The following MED13 variants were observed in gnomAD, a reference collection of about 807,000 sequenced individuals.
MED13 encodes the protein mediator complex subunit 13.
In MED13, 23 loss-of-function variants were observed where a neutral mutation model predicts 225.2. The observed-to-expected ratio is 0.10, with a 90% CI of 0.07 to 0.14. MED13 has a LOEUF of 0.14. Ranked by LOEUF, MED13 falls within the 10% of genes least tolerant of loss-of-function variation. The pLI is 1.00. For synonymous variants in MED13, 942 were observed against 889.2 expected, an observed-to-expected ratio of 1.06 and a Z score of -1.06; for missense variants, 2,197 against 2,594.5, an observed-to-expected ratio of 0.85 and a Z score of 3.33.
rs189446849 is a variant in MED13, at chr17:62,041,658, C to T, written c.471-6050G>A. Among the ~76,000 whole-genome samples the T allele has an allele frequency of 2.5e-4, 38 of 152,200 alleles. 1 individual carries two copies. The highest frequency in any genetic ancestry group is 1.9e-3 in the Admixed American group (29 of 15,280). ...GTGGCATGATCAGAATTCACTGCAG[C>T]TTCCACCTCCTGAGCTCAAGCGATT... is the stretch of plus-strand genomic sequence containing the variant. On this transcript the variant is annotated intron_variant, in intron 3 of 29. Coordinates refer to ENST00000397786, the MANE Select transcript of MED13 (RefSeq NM_005121.3).
At chr17:61,953,411 A>G (rs1202165925) in intron 26 of MED13, among the ~76,000 whole-genome samples, 2 of 152,164 alleles carry the variant, frequency 1.3e-5, no homozygotes, top group Non-Finnish European at 2.9e-5. Flanking sequence ...GGATCTTGAG[A>G]TGGGGAGATT....
At chr17:62,006,283 A>AGGG in intron 9 of MED13, 1 of 109,112 alleles carries the variant, frequency 9.2e-6, no homozygotes, top group African/African-American at 3.3e-5. Flanking sequence ...AAAAAAAAAA[A>AGGG]AGGGGGGGGG....
intron 12 of MED13, among the ~76,000 whole-genome samples, chr17:61,985,315 T>C (rs2080238309): frequency 6.6e-6 from 1 of 152,114 alleles, no homozygotes; most frequent in Non-Finnish European, 1.5e-5. Context: ...AGGAAAAAGT[T>C]CCTCCAAAGA....
chr17:61,983,823 G>A (rs2080225541), intron 15 of MED13, among the ~76,000 whole-genome samples: 1 of 150,944 alleles, frequency 6.6e-6, no homozygotes, highest in African/African-American at 2.4e-5. Flanking sequence ...CTGACTCCCA[G>A]GTTCAAGCCA....
Position 61,961,607 on chromosome 17 carries a change from G to C in MED13, c.5237C>G (p.Thr1746Ser), listed in dbSNP as rs2080001182. 6.2e-7 allele frequency: 1 copy of C among 1,612,512 alleles called. No individual in the cohort carries two copies. The highest frequency in any genetic ancestry group is 1.7e-5 in the Admixed American group (1 of 59,880). The change falls in exon 22 of 30, where the codon ACT (threonine) becomes AGT (serine). Residue 1746 changes from threonine to serine, a missense_variant. Transcript: ENST00000397786. The stretch of plus-strand genomic sequence containing the variant: ...ACTTACATCAGGACTTCTAAGGGCA[G>C]TTTCCATGGCTAAACCTGGACCAAA... Reference protein sequence around the residue: ...TGFGPGLAMETALRSPDRPEC... With the variant: ...TGFGPGLAMESALRSPDRPEC...
chr17:61,963,202 C>CAAAAAAAAAAAAAAAAAA (rs11290002), intron 20 of MED13, among the ~76,000 whole-genome samples: 14 of 55,794 alleles, frequency 2.5e-4, no homozygotes, highest in African/African-American at 3.6e-4. Context: ...TTAAATTTAC[C>CAAAAAAAAAAAAAAAAAA]AAAAAAAAAA....
At chr17:62,053,773 AAC>A (rs756784324) in intron 2 of MED13, among the ~76,000 whole-genome samples, 1 of 152,346 alleles carries the variant, frequency 6.6e-6, no homozygotes, top group East Asian at 1.9e-4. Flanking sequence ...CCCACAGAAA[AAC>A]AGACACAATA....
Position 62,010,894 on chromosome 17 carries a change from A to G in MED13, c.1623T>C (p.Cys541=). 6.2e-7 allele frequency: 1 copy of G among 1,614,142 alleles called. No individual in the cohort carries two copies. Among genetic ancestry groups the G allele is most frequent in the Non-Finnish European group, 8.5e-7 (1 of 1,179,990 alleles). Residue 541 remains cysteine, a synonymous_variant, in exon 9 of 30, where the codon TGT becomes TGC. Coordinates refer to ENST00000397786, the MANE Select transcript of MED13 (RefSeq NM_005121.3). The part of the protein sequence containing the change: ...PQPPPLSPHP[C]DVVDEGVTKT... The stretch of plus-strand genomic sequence containing the variant: ...TAGTCACTCCTTCATCAACCACATC[A>G]CAAGGGTGAGGACTAAGTGGGGGTG...
At chr17:62,020,978 C>G (rs1567983468) in intron 8 of MED13, among the ~76,000 whole-genome samples, 2 of 150,348 alleles carry the variant, frequency 1.3e-5, no homozygotes, top group Non-Finnish European at 3.0e-5. Flanking sequence ...GGACACAGCA[C>G]ATGTTTCAGA....
intron 23 of MED13, among the ~76,000 whole-genome samples, chr17:61,957,515 A>T (rs940722861): frequency 6.6e-6 from 1 of 151,642 alleles, no homozygotes; most frequent in Non-Finnish European, 1.5e-5. Context: ...ACACCCGGCT[A>T]ATTTTTGTAT....
intron 12 of MED13, among the ~76,000 whole-genome samples, chr17:61,986,781 T>A (rs896510058): frequency 6.6e-6 from 1 of 151,950 alleles, no homozygotes; most frequent in African/African-American, 2.4e-5. Flanking sequence ...CCCCCAAATG[T>A]AAAAACAAAA....
chr17:62,010,849 C>T lies in MED13; in HGVS notation c.1668G>A (p.Gln556=). The change falls in exon 9 of 30, where the codon CAG becomes CAA. Residue 556 remains glutamine, a synonymous_variant. Transcript: ENST00000397786. ...EGVTKTPSTP[Q]SQHFYQMPTP... ...TTGGCATTTGATAAAAATGTTGACT[C>T]TGAGGAGTTGAAGGTGTTTTAGTCA... 2 of 1,614,232 alleles carry T rather than the reference C, an allele frequency of 1.2e-6. No homozygotes were observed. The highest frequency in any genetic ancestry group is 1.7e-6 in the Non-Finnish European group (2 of 1,180,050).
At chr17:61,960,757 T>C (rs1433003411) in intron 23 of MED13, 110 bp downstream of exon 23, 2 of 708,422 alleles carry the variant, frequency 2.8e-6, no homozygotes, top group East Asian at 2.9e-5. Flanking sequence ...CAACCCCACA[T>C]CTTAATATTT....
chr17:61,953,922 G>A (rs1567938942), intron 26 of MED13, among the ~76,000 whole-genome samples: 1 of 152,140 alleles, frequency 6.6e-6, no homozygotes, highest in African/African-American at 2.4e-5. Flanking sequence ...CTATATACTG[G>A]TTTTTCCTTT....
intron 23 of MED13, among the ~76,000 whole-genome samples, chr17:61,959,176 T>C (rs910279495): frequency 6.6e-6 from 1 of 151,950 alleles, no homozygotes; most frequent in Admixed American, 6.6e-5. Flanking sequence ...GCTAATTTTT[T>C]TGTATTTTTA....
intron 6 of MED13, chr17:62,030,773 A>G (rs2080747833): frequency 1.3e-5 from 2 of 152,246 alleles, no homozygotes. Context: ...GCAGAGATAT[A>G]AACTGTTGCA....
chr17:61,971,827 G>T (rs1177045686), intron 17 of MED13, among the ~76,000 whole-genome samples: 1 of 151,968 alleles, frequency 6.6e-6, no homozygotes, highest in Admixed American at 6.6e-5. Context: ...CCAGCTGTTC[G>T]GGAGGCTAAG....
chr17:61,950,860 G>A lies in MED13; in HGVS notation c.6256C>T (p.Pro2086Ser), dbSNP rs751758319. 6.2e-7 allele frequency: 1 copy of A among 1,613,640 alleles called. No individual in the cohort carries two copies. The highest frequency in any genetic ancestry group is 1.1e-5 in the South Asian group (1 of 90,996). Residue 2086 changes from proline to serine, a missense_variant, in exon 28 of 30, where the codon CCT becomes TCT. By Grantham distance (74) the Pro-to-Ser change is moderately conservative. This residue lies in a region of MED13 where 216 missense variants were observed against 388.9 expected (regional missense o/e 0.56). Coordinates refer to ENST00000397786, the MANE Select transcript of MED13 (RefSeq NM_005121.3). ...AGGGGACACTGATATTGTGCTTGAG[G>A]ACATGCTGACCAGAACCAGTCAGGT... ...PLPDWFWSAC[P>S]QAQYQCPLFL...
At chr17:62,035,121 A>AAAAAAC (rs555778685) in intron 4 of MED13, among the ~76,000 whole-genome samples, 1 of 152,136 alleles carries the variant, frequency 6.6e-6, no homozygotes, top group Non-Finnish European at 1.5e-5. Flanking sequence ...ACTCCGTCTC[A>AAAAAAC]AAAAACAAAA....
Sources: allele counts gnomAD v4.1 joint callset (sites outside exome capture counted in the v4.1 genomes callset), GRCh38; gene constraint gnomAD v4.1.1; regional missense constraint gnomAD v4.1.1; transcripts MANE v1.5; gene names NCBI Gene and HGNC (gene_info 2026-07-23, HGNC 2026-07-21).